The following FRAS1 variants were observed in gnomAD, a reference collection of about 807,000 sequenced individuals.
FRAS1 encodes Fraser extracellular matrix complex subunit 1.
A neutral mutation model predicts 435.2 loss-of-function variants in FRAS1; 290 were observed. That is an observed-to-expected ratio of 0.67 (90% CI 0.61 to 0.73). The LOEUF (loss-of-function observed/expected upper bound fraction) is 0.73. Ranked by LOEUF, FRAS1 falls within the 30% of genes least tolerant of loss-of-function variation. FRAS1 has a pLI of 0.00. For synonymous variants in FRAS1, 1,800 were observed against 1,851.0 expected, an observed-to-expected ratio of 0.97 and a Z score of 0.71; for missense variants, 4,860 against 5,001.5, an observed-to-expected ratio of 0.97 and a Z score of 0.85.
chr4:78,414,207 T>A (rs1733463092), intron 32 of FRAS1, among the ~76,000 whole-genome samples: 1 of 152,238 alleles, frequency 6.6e-6, no homozygotes. Context: ...AATTCATCAT[T>A]CTGACTGGAG....
At chr4:78,388,666 G>A (rs1732323827) in intron 29 of FRAS1, among the ~76,000 whole-genome samples, 1 of 151,488 alleles carries the variant, frequency 6.6e-6, no homozygotes, top group South Asian at 2.1e-4. Context: ...AAATTAGCTG[G>A]GTGCAATGGC....
At chr4:78,392,680 G>A (rs965328370) in intron 29 of FRAS1, among the ~76,000 whole-genome samples, 3 of 151,708 alleles carry the variant, frequency 2.0e-5, no homozygotes, top group African/African-American at 7.3e-5. Flanking sequence ...TTACTTTTTG[G>A]GATTTTATTG....
At chr4:78,230,076 C>G (rs1317163472) in intron 2 of FRAS1, among the ~76,000 whole-genome samples, 3 of 152,220 alleles carry the variant, frequency 2.0e-5, no homozygotes, top group Non-Finnish European at 2.9e-5. Flanking sequence ...ATCTGTGATT[C>G]ATGCTGTTGT....
In FRAS1 at chr4:78,478,011, A is replaced by T; in HGVS notation, c.8048A>T (p.Tyr2683Phe). The T allele has an allele frequency of 6.2e-7, 1 of 1,604,042 alleles. No homozygotes were observed. Among genetic ancestry groups the T allele is most frequent in the Non-Finnish European group, 8.5e-7 (1 of 1,175,110 alleles). ...EPTLEFDKKI[Y>F]WVNESAGFLF... Reference sequence around the variant, plus strand: ...ACATTAGAGTTTGACAAGAAGATCTACTGGGTTAACGAGAGCGCTGGTTTT... The same window carrying T: ...ACATTAGAGTTTGACAAGAAGATCTTCTGGGTTAACGAGAGCGCTGGTTTT... Residue 2683 changes from tyrosine to phenylalanine, a missense_variant, in exon 55 of 74, where the codon TAC becomes TTC. Coordinates refer to ENST00000512123, the MANE Select transcript of FRAS1 (RefSeq NM_025074.7).
chr4:78,266,809 GTTC>G lies in FRAS1; in HGVS notation c.688-19_688-17del, dbSNP rs768576542. ...ATGTATGGGACATTTGATTTTCCAT[GTTC>G]TTCTTTCCTGTCTTCATGCAGCATG... On this transcript the variant is annotated intron_variant, in intron 7 of 73. Transcript: ENST00000512123. 1.0e-5 allele frequency: 16 copies of G among 1,546,648 alleles called. No homozygotes were observed. In the East Asian group the frequency reaches 2.1e-4, roughly 20 times the overall value.
At chr4:78,289,285 CA>C (rs1727769711) in intron 14 of FRAS1, among the ~76,000 whole-genome samples, 1 of 149,258 alleles carries the variant, frequency 6.7e-6, no homozygotes, top group Non-Finnish European at 1.5e-5. Flanking sequence ...TGCACAAACA[CA>C]AACATGCATA....
intron 24 of FRAS1, 38 bp from the exon 25 acceptor site, chr4:78,374,073 C>T: frequency 2.0e-6 from 3 of 1,534,804 alleles, no homozygotes; most frequent in Non-Finnish European, 2.7e-6. Context: ...CCCTGGAAAG[C>T]CACACAGATT....
intron 40 of FRAS1, among the ~76,000 whole-genome samples, 155 bp downstream of exon 40, chr4:78,439,219 G>A (rs577483464): frequency 6.6e-6 from 1 of 152,178 alleles, no homozygotes; most frequent in Non-Finnish European, 1.5e-5. Flanking sequence ...TCAATCATGA[G>A]TGTTTTTTTA....
intron 49 of FRAS1, among the ~76,000 whole-genome samples, chr4:78,465,062 T>A (rs1367525520): frequency 6.6e-6 from 1 of 152,212 alleles, no homozygotes; most frequent in Non-Finnish European, 1.5e-5. Flanking sequence ...ATGTGGAGAC[T>A]AAGCTTTTAT....
At chr4:78,094,078 A>G (rs910962917) in intron 2 of FRAS1, among the ~76,000 whole-genome samples, 1 of 147,650 alleles carries the variant, frequency 6.8e-6, no homozygotes, top group Non-Finnish European at 1.5e-5. Flanking sequence ...TTGAAAGAGT[A>G]GGTAAAATTA....
intron 2 of FRAS1, among the ~76,000 whole-genome samples, chr4:78,093,667 T>C (rs7681238): frequency 0.17 from 25,837 of 152,162 alleles, 2,361 homozygotes; most frequent in Admixed American, 0.21. Context: ...CTGCTGTAAG[T>C]AGAGGTACTT....
At chr4:78,196,892 G>T (rs1016277346) in intron 2 of FRAS1, among the ~76,000 whole-genome samples, 3 of 152,096 alleles carry the variant, frequency 2.0e-5, no homozygotes, top group African/African-American at 7.2e-5. Flanking sequence ...CATAAGTGCC[G>T]TTGTTTATAG....
chr4:78,450,093 AC>A, intron 44 of FRAS1, 57 bp from the exon 45 acceptor site: 1 of 1,395,666 alleles, frequency 7.2e-7, no homozygotes, highest in Non-Finnish European at 9.9e-7. Context: ...AAATCATTTG[AC>A]ATCCCGTTCA....
intron 2 of FRAS1, among the ~76,000 whole-genome samples, chr4:78,099,066 T>C (rs1477541773): frequency 6.6e-6 from 1 of 152,228 alleles, no homozygotes; most frequent in Non-Finnish European, 1.5e-5. Context: ...CATTAACAGA[T>C]TCTTAAAATC....
intron 30 of FRAS1, 130 bp from the exon 31 acceptor site, chr4:78,407,533 C>T: frequency 1.5e-6 from 1 of 679,324 alleles, no homozygotes; most frequent in East Asian, 2.8e-5. Flanking sequence ...TCCTCTCCTT[C>T]ACCTTAGACA....
intron 2 of FRAS1, among the ~76,000 whole-genome samples, chr4:78,188,279 GTCTA>G (rs998341866): frequency 2.3e-3 from 58 of 25,628 alleles, no homozygotes; most frequent in African/African-American, 4.3e-3. Context: ...CTATCTGTCT[GTCTA>G]TCTATCTATC....
intron 71 of FRAS1, among the ~76,000 whole-genome samples, chr4:78,536,296 C>G (rs1388975598): frequency 6.7e-6 from 1 of 149,406 alleles, no homozygotes; most frequent in Non-Finnish European, 1.5e-5. Flanking sequence ...GGATACTGCT[C>G]AAATATCATG....
chr4:78,323,876 C>T (rs1729609494), intron 18 of FRAS1, among the ~76,000 whole-genome samples: 3 of 151,854 alleles, frequency 2.0e-5, no homozygotes, highest in Non-Finnish European at 4.4e-5. Flanking sequence ...ATTTTGAAGA[C>T]TTAGCTTTTA....
chr4:78,391,395 G>A (rs1578293939), intron 29 of FRAS1, among the ~76,000 whole-genome samples: 2 of 152,160 alleles, frequency 1.3e-5, no homozygotes, highest in Admixed American at 6.5e-5. Flanking sequence ...TAAAGAATGC[G>A]TTGCTGAACA....
Sources: allele counts gnomAD v4.1 joint callset (sites outside exome capture counted in the v4.1 genomes callset), GRCh38; gene constraint gnomAD v4.1.1; transcripts MANE v1.5; gene names NCBI Gene and HGNC (gene_info 2026-07-23, HGNC 2026-07-21).